NXPE4: variants seen among roughly 807,000 people sequenced by gnomAD.
NXPE4 encodes NXPE family member 4.
NXPE4 carries 42 observed loss-of-function variants against 33.3 expected under a neutral mutation model. The observed-to-expected ratio is 1.26, with a 90% confidence interval of 0.98 to 1.63. NXPE4 has a LOEUF of 1.63. Ranked by LOEUF, NXPE4 falls within the 40% of genes most tolerant of loss-of-function variation. The pLI is 0.00. For synonymous variants in NXPE4, 253 were observed against 234.9 expected (o/e 1.08, Z -0.71); for missense variants, 709 against 647.6 (o/e 1.09, Z -1.03).
Position 114,570,908 on chromosome 11 carries a change from A to G in NXPE4, c.*30T>C. 1.3e-6 allele frequency: 2 copies of G among 1,486,970 alleles called. No homozygotes were observed. Among genetic ancestry groups the G allele is most frequent in the Non-Finnish European group, 1.8e-6 (2 of 1,102,026 alleles). The allele number at this position is 1,486,970 out of a possible 1,614,324, so 92.1% of individuals were successfully genotyped here. A position where few individuals can be genotyped will look rare whatever the true frequency, so the allele number is the denominator to read the frequency against. On this transcript the variant is annotated 3_prime_UTR_variant, in exon 6 of 6. Coordinates refer to ENST00000375478, the MANE Select transcript of NXPE4 (RefSeq NM_001077639.2). ...AGACAGTCAATAAATTTTTTTACTT[A>G]AGTGAATGAATTTCAGACTTTTGTG...
At chr11:114,601,745 A>C in the NXPE4 span, among the ~76,000 whole-genome samples, 1 of 71,034 alleles carries the variant, frequency 1.4e-5, no homozygotes, top group Non-Finnish European at 2.4e-5. Context: ...ATATAATTAT[A>C]ATATATAATA....
At chr11:114,583,305 G>T (rs1219330319) in intron 2 of NXPE4, 3 of 634,434 alleles carry the variant, frequency 4.7e-6, no homozygotes, top group Non-Finnish European at 5.9e-6. Flanking sequence ...TACGATAGGG[G>T]TGTTGGAAAT....
rs1045250349 is a variant in NXPE4 at position 114,579,744 on chromosome 11, G to C, written c.1099+388C>G. On this transcript the variant is annotated intron_variant, in intron 5 of 5. Coordinates refer to ENST00000375478, the MANE Select transcript of NXPE4 (RefSeq NM_001077639.2). ...AACTTGTTCAAAGTCACCCAGATAG[G>C]AGGTAGAGAAGTCAGGTTTTGAACC... Among the ~76,000 whole-genome samples, 6 of 152,200 alleles carry C rather than the reference G, an allele frequency of 3.9e-5. No individual in the cohort carries two copies. In the East Asian group the frequency reaches 1.2e-3, roughly 29 times the overall value.
chr11:114,642,878 C>T, the NXPE4 span, among the ~76,000 whole-genome samples: 1 of 152,062 alleles, frequency 6.6e-6, no homozygotes, highest in African/African-American at 2.4e-5. Context: ...ACACTCTCAC[C>T]AACAGTGTAA....
At chr11:114,627,322 T>C in the NXPE4 span, among the ~76,000 whole-genome samples, 2 of 152,078 alleles carry the variant, frequency 1.3e-5, no homozygotes, top group African/African-American at 4.8e-5. Flanking sequence ...GCAGATCTCT[T>C]GGCAGAAACT....
chr11:114,602,416 A>G, the NXPE4 span, among the ~76,000 whole-genome samples: 1,139 of 132,798 alleles, frequency 8.6e-3, 17 homozygotes, highest in African/African-American at 0.03. Flanking sequence ...ACTATTGAAC[A>G]TATCAATAAA....
chr11:114,674,108 A>G, the NXPE4 span, among the ~76,000 whole-genome samples: 1 of 106,238 alleles, frequency 9.4e-6, no homozygotes, highest in East Asian at 5.5e-4. Context: ...CAAACAAACA[A>G]ACAAACAAAC....
At chr11:114,626,826 G>A in the NXPE4 span, among the ~76,000 whole-genome samples, 1 of 152,082 alleles carries the variant, frequency 6.6e-6, no homozygotes, top group Non-Finnish European at 1.5e-5. Flanking sequence ...GTGCTTAAAG[G>A]AGCTGGTGGA....
rs375538096 is a variant in NXPE4, at chr11:114,594,620, C to T, written c.96+44G>A. The T allele has an allele frequency of 3.2e-5, 42 of 1,302,962 alleles. No homozygotes were observed. In the African/African-American group the frequency reaches 4.7e-4, roughly 15 times the overall value. The allele number at this position is 1,302,962 out of a possible 1,614,324, so 80.7% of individuals were successfully genotyped here. A position where few individuals can be genotyped will look rare whatever the true frequency, so the allele number is the denominator to read the frequency against. ...TTCCTAGAACAGATGAGGTAATAAG[C>T]AAAAATAAGCTTCTGTAAACCACAT... On this transcript the variant is annotated intron_variant, in intron 2 of 5. Transcript: ENST00000375478.
the NXPE4 span, among the ~76,000 whole-genome samples, chr11:114,636,165 T>C: frequency 6.6e-6 from 1 of 152,110 alleles, no homozygotes; most frequent in Non-Finnish European, 1.5e-5. Flanking sequence ...TATTCAGAGA[T>C]TCAACTTCTT....
the NXPE4 span, among the ~76,000 whole-genome samples, chr11:114,641,815 A>G: frequency 6.6e-6 from 1 of 152,098 alleles, no homozygotes; most frequent in Non-Finnish European, 1.5e-5. Flanking sequence ...GAAAAAGGGT[A>G]TATCACATCT....
the NXPE4 span, among the ~76,000 whole-genome samples, chr11:114,629,755 T>G: frequency 4.0e-5 from 6 of 151,330 alleles, no homozygotes; most frequent in African/African-American, 1.2e-4. Context: ...ACGACATGAT[T>G]GTATATCTAG....
At chr11:114,598,919 G>A (rs551263039), upstream of NXPE4, among the ~76,000 whole-genome samples, 14 of 152,236 alleles carry the variant, frequency 9.2e-5, no homozygotes, top group Non-Finnish European at 1.8e-4. Flanking sequence ...TTTGCATTTG[G>A]CTCCTTTTTA....
chr11:114,636,600 A>T, the NXPE4 span, among the ~76,000 whole-genome samples: 1 of 151,916 alleles, frequency 6.6e-6, no homozygotes, highest in Non-Finnish European at 1.5e-5. Flanking sequence ...GTGGGCATTT[A>T]GTGCTATAAA....
the NXPE4 span, among the ~76,000 whole-genome samples, chr11:114,638,590 G>T: frequency 6.6e-6 from 1 of 152,066 alleles, no homozygotes; most frequent in South Asian, 2.1e-4. Context: ...CCCCATCTTT[G>T]TGGTTTTATC....
intron 2 of NXPE4, among the ~76,000 whole-genome samples, chr11:114,589,325 A>G (rs899151608): frequency 1.5e-4 from 23 of 152,050 alleles, no homozygotes; most frequent in African/African-American, 5.1e-4. Flanking sequence ...GGCCCAGGTA[A>G]TTCTGGAAAC....
chr11:114,653,025 G>T, the NXPE4 span, among the ~76,000 whole-genome samples: 2 of 152,182 alleles, frequency 1.3e-5, no homozygotes, highest in Non-Finnish European at 2.9e-5. Context: ...GGGGGGTTCT[G>T]CTGATGTAGA....
At chr11:114,670,432 C>T in the NXPE4 span, among the ~76,000 whole-genome samples, 1 of 152,016 alleles carries the variant, frequency 6.6e-6, no homozygotes, top group African/African-American at 2.4e-5. Flanking sequence ...CAGTGGCTCA[C>T]CTCTGTAATC....
chr11:114,588,735 G>A (rs977712186), intron 2 of NXPE4, among the ~76,000 whole-genome samples: 3 of 152,098 alleles, frequency 2.0e-5, no homozygotes, highest in African/African-American at 4.8e-5. Context: ...ACTCTAAACT[G>A]TCCATGGTAG....
Sources: gnomAD v4.1 joint callset for allele counts (sites outside exome capture counted in the v4.1 genomes callset) on GRCh38, gnomAD v4.1.1 for gene constraint, MANE v1.5 for transcripts, NCBI Gene and HGNC (gene_info 2026-07-23, HGNC 2026-07-21) for gene names.